KCNIP4: variants seen among roughly 807,000 people sequenced by gnomAD.
KCNIP4 encodes the protein Kv channel-interacting protein 4.
KCNIP4 carries 12 observed loss-of-function variants against 34.0 expected under a neutral mutation model. The ratio of observed to expected loss-of-function variants is 0.35; its 90% confidence interval spans 0.23 to 0.57. The LOEUF (loss-of-function observed/expected upper bound fraction) is 0.57, where lower values mean the gene tolerates loss of function less well. Among genes scored for constraint, KCNIP4 ranks in the 20% least tolerant of loss-of-function variants. KCNIP4 has a pLI of 0.83. For synonymous variants in KCNIP4, 124 were observed against 102.2 expected (o/e 1.21, Z -1.29); for missense variants, 238 against 311.7 (o/e 0.76, Z 1.78).
At chr4:21,212,482 G>A (rs1381095613) in intron 1 of KCNIP4, among the ~76,000 whole-genome samples, 4 of 152,224 alleles carry the variant, frequency 2.6e-5, no homozygotes, top group East Asian at 1.9e-4. Flanking sequence ...AGAGGGCTTC[G>A]TCAGTCCCAA....
chr4:20,884,044 C>A (rs1039200948), intron 1 of KCNIP4, among the ~76,000 whole-genome samples: 2 of 152,140 alleles, frequency 1.3e-5, no homozygotes, highest in African/African-American at 4.8e-5. Context: ...CAAAGCAGGC[C>A]GTCCTCTGGC....
intron 1 of KCNIP4, chr4:21,697,385 T>C (rs1275833165): frequency 6.5e-7 from 1 of 1,547,224 alleles, no homozygotes; most frequent in Admixed American, 2.3e-5. Flanking sequence ...TCTGAGAAGG[T>C]ACTGGGCAAA....
rs185197033 is a variant in KCNIP4, at chr4:21,020,801, A to G, written c.62-138092T>C. On this transcript the variant is annotated intron_variant, in intron 1 of 8. Transcript: ENST00000382152. ...AATGAATAGAGACAATTTTAAAGAAATGAATAAAATAACTTGTATGGTTAA... is the reference window on the plus strand; with the variant it reads ...AATGAATAGAGACAATTTTAAAGAAGTGAATAAAATAACTTGTATGGTTAA... 1.3e-4 allele frequency among the ~76,000 whole-genome samples: 20 copies of G among 152,324 alleles called. 1 individual carries two copies. Among genetic ancestry groups the G allele is most frequent in the African/African-American group, 2.9e-4 (12 of 41,580 alleles).
chr4:20,899,015 CAA>C (rs1038456525), intron 1 of KCNIP4, among the ~76,000 whole-genome samples: 1 of 151,958 alleles, frequency 6.6e-6, no homozygotes, highest in African/African-American at 2.4e-5. Context: ...AAACTTATTG[CAA>C]AAAAGATTTT....
At chr4:21,256,075 A>G (rs1171711615) in intron 1 of KCNIP4, among the ~76,000 whole-genome samples, 1 of 152,136 alleles carries the variant, frequency 6.6e-6, no homozygotes, top group East Asian at 1.9e-4. Context: ...TTAGGATAAT[A>G]AAATACAGAG....
chr4:21,039,430 G>T (rs1341738540), intron 1 of KCNIP4, among the ~76,000 whole-genome samples: 2 of 150,814 alleles, frequency 1.3e-5, no homozygotes, highest in Non-Finnish European at 3.0e-5. Flanking sequence ...AATATCAAAA[G>T]CCCCAGATAG....
chr4:20,946,338 A>G (rs1246603016), intron 1 of KCNIP4, among the ~76,000 whole-genome samples: 1 of 152,084 alleles, frequency 6.6e-6, no homozygotes, highest in African/African-American at 2.4e-5. Flanking sequence ...AGAGCTTCCC[A>G]GGCAATGTGA....
At chr4:21,083,187 T>A (rs138331827) in intron 1 of KCNIP4, among the ~76,000 whole-genome samples, 23 of 151,918 alleles carry the variant, frequency 1.5e-4, no homozygotes, top group African/African-American at 5.1e-4. Context: ...GACTCTTCTT[T>A]GGCTAATTGG....
intron 1 of KCNIP4, among the ~76,000 whole-genome samples, chr4:21,067,300 G>A (rs970449798): frequency 1.3e-5 from 2 of 152,138 alleles, no homozygotes; most frequent in Non-Finnish European, 2.9e-5. Flanking sequence ...GAGGTGTGCT[G>A]ACTTCAGGTG....
intron 1 of KCNIP4, among the ~76,000 whole-genome samples, chr4:21,650,688 A>T (rs1029733419): frequency 2.0e-5 from 3 of 152,148 alleles, no homozygotes; most frequent in African/African-American, 7.2e-5. Context: ...AGTATCTTAA[A>T]ACAACATGAA....
At chr4:21,129,277 C>G (rs1333303464) in intron 1 of KCNIP4, among the ~76,000 whole-genome samples, 1 of 152,196 alleles carries the variant, frequency 6.6e-6, no homozygotes, top group Non-Finnish European at 1.5e-5. Context: ...AAACCTCTTT[C>G]CTTTATAAAT....
At chr4:21,098,477 A>G (rs921698645) in intron 1 of KCNIP4, among the ~76,000 whole-genome samples, 3 of 152,184 alleles carry the variant, frequency 2.0e-5, no homozygotes, top group African/African-American at 7.2e-5. Flanking sequence ...CTCATTTACC[A>G]TTTGAGAAAT....
At chr4:21,426,289 T>C (rs2109647479) in intron 1 of KCNIP4, among the ~76,000 whole-genome samples, 1 of 152,292 alleles carries the variant, frequency 6.6e-6, no homozygotes, top group South Asian at 2.1e-4. Flanking sequence ...ACATGGAGTC[T>C]TTCGGGTGTG....
intron 1 of KCNIP4, among the ~76,000 whole-genome samples, chr4:21,241,228 G>A (rs1388779440): frequency 6.6e-6 from 1 of 152,150 alleles, no homozygotes; most frequent in Non-Finnish European, 1.5e-5. Context: ...TTAGTGAGCA[G>A]ATATATAATC....
At chr4:21,203,565 G>T in intron 1 of KCNIP4, among the ~76,000 whole-genome samples, 1 of 152,158 alleles carries the variant, frequency 6.6e-6, no homozygotes, top group South Asian at 2.1e-4. Context: ...TCTCTAGCTT[G>T]CTGAACCTGC....
At chr4:21,483,090 G>C (rs1310630516) in intron 1 of KCNIP4, among the ~76,000 whole-genome samples, 1 of 123,402 alleles carries the variant, frequency 8.1e-6, no homozygotes, top group African/African-American at 3.0e-5. Flanking sequence ...GGGTGGGGGA[G>C]GGGGGAGGGA....
At chr4:21,246,208 C>A (rs991729406) in intron 1 of KCNIP4, among the ~76,000 whole-genome samples, 5 of 152,138 alleles carry the variant, frequency 3.3e-5, no homozygotes, top group African/African-American at 1.2e-4. Flanking sequence ...CCAGGACACC[C>A]TTTCCCTACA....
chr4:21,047,006 T>C (rs946182023), intron 1 of KCNIP4, among the ~76,000 whole-genome samples: 5 of 152,244 alleles, frequency 3.3e-5, no homozygotes, highest in Non-Finnish European at 7.3e-5. Flanking sequence ...AGAGGTGCAA[T>C]TTGAGGACTG....
intron 1 of KCNIP4, among the ~76,000 whole-genome samples, chr4:21,645,062 T>C (rs527740215): frequency 6.6e-4 from 100 of 152,308 alleles, no homozygotes; most frequent in Middle Eastern, 3.4e-3. Flanking sequence ...TTCACAGAAA[T>C]AATCATTAGA....
Sources: allele counts gnomAD v4.1 joint callset (sites outside exome capture counted in the v4.1 genomes callset), GRCh38; gene constraint gnomAD v4.1.1; transcripts MANE v1.5; gene names NCBI Gene and HGNC (gene_info 2026-07-23, HGNC 2026-07-21).